RBM33: variants seen among roughly 807,000 people sequenced by gnomAD.
RBM33 encodes the protein RNA-binding protein 33.
Under a neutral mutation model 132.6 loss-of-function variants are expected in RBM33, and 28 were observed. The observed-to-expected ratio is 0.21, with a 90% CI of 0.16 to 0.29. RBM33 has a LOEUF of 0.29. RBM33 is among the 10% of genes least tolerant of loss of function. The pLI is 1.00. For synonymous variants in RBM33, 634 were observed against 593.0 expected (o/e 1.07, Z -1.01); for missense variants, 1,291 against 1,518.5 (o/e 0.85, Z 2.49).
intron 14 of RBM33, among the ~76,000 whole-genome samples, chr7:155,748,700 T>C (rs76470188): frequency 0.033 from 4,996 of 152,204 alleles, 258 homozygotes; most frequent in African/African-American, 0.11. Flanking sequence ...TGGTTAATTA[T>C]ATCGCCTTTC....
chr7:155,753,729 G>A (rs1033595648), intron 14 of RBM33, among the ~76,000 whole-genome samples: 13 of 152,242 alleles, frequency 8.5e-5, no homozygotes, highest in East Asian at 7.7e-4. Context: ...TGGGGGCCAC[G>A]AGAGATGCAC....
intron 8 of RBM33, among the ~76,000 whole-genome samples, chr7:155,716,332 T>TTA (rs1554477955): frequency 6.7e-6 from 1 of 149,938 alleles, no homozygotes; most frequent in Non-Finnish European, 1.5e-5. Flanking sequence ...TTTTTTTTTT[T>TTA]AAATAGGGAA....
intron 1 of RBM33, among the ~76,000 whole-genome samples, chr7:155,651,921 G>GATTTTT (rs1472977770): frequency 6.6e-6 from 1 of 152,200 alleles, no homozygotes; most frequent in Non-Finnish European, 1.5e-5. Context: ...TAACATAGGA[G>GATTTTT]ATTTTTAAAA....
rs1798781925 is a variant in RBM33 at position 155,665,668 on chromosome 7, C to T, written c.122+415C>T. On this transcript the variant is annotated intron_variant, in intron 2 of 17. Transcript: ENST00000401878. ...TTTCACTAATTTTAACTTTCATTTTCCTGGTTACCAGTGAAGATGAAAATA... is the reference window on the plus strand; with the variant it reads ...TTTCACTAATTTTAACTTTCATTTTTCTGGTTACCAGTGAAGATGAAAATA... Among the ~76,000 whole-genome samples the T allele has an allele frequency of 3.9e-5, 6 of 152,054 alleles. No individual in the cohort carries two copies. The South Asian group carries it at 1.2e-3, about 32-fold the overall frequency.
At chr7:155,755,104 T>C (rs571473616) in intron 14 of RBM33, among the ~76,000 whole-genome samples, 1 of 152,346 alleles carries the variant, frequency 6.6e-6, no homozygotes, top group Admixed American at 6.5e-5. Context: ...TGCATATCAT[T>C]TATTGTCCAC....
chr7:155,656,771 T>C (rs1798503847), intron 1 of RBM33, among the ~76,000 whole-genome samples: 1 of 152,194 alleles, frequency 6.6e-6, no homozygotes, highest in African/African-American at 2.4e-5. Context: ...ATTTGTTTCT[T>C]AAGTTTGACT....
intron 2 of RBM33, among the ~76,000 whole-genome samples, chr7:155,668,858 T>C (rs377214898): frequency 2.2e-4 from 33 of 152,346 alleles, no homozygotes; most frequent in African/African-American, 7.7e-4. Flanking sequence ...TTGCCTGATA[T>C]TTGTTCAACT....
chr7:155,740,780 A>AAT (rs960511548), intron 12 of RBM33, among the ~76,000 whole-genome samples: 1 of 152,090 alleles, frequency 6.6e-6, no homozygotes, highest in Non-Finnish European at 1.5e-5. Flanking sequence ...GCCTCCATTA[A>AAT]ATATATATAA....
intron 16 of RBM33, among the ~76,000 whole-genome samples, chr7:155,772,253 G>A (rs1451204251): frequency 6.6e-6 from 1 of 152,216 alleles, no homozygotes; most frequent in Non-Finnish European, 1.5e-5. Flanking sequence ...GGCTGCAGCA[G>A]CTCTAACCTA....
chr7:155,741,989 G>A lies in RBM33; in HGVS notation c.2220G>A (p.Ala740=), dbSNP rs762968456. ...PSAQVKPIVS[A]SPPSRAVAGS... ...CACAAGTGAAACCTATCGTCAGCGC[G>A]TCACCACCCTCGCGGGCCGTGGCGG... Residue 740 remains alanine, a synonymous_variant, in exon 13 of 18, where the codon GCG becomes GCA. Transcript: ENST00000401878. 2.7e-5 allele frequency: 43 copies of A among 1,613,822 alleles called. 1 individual carries two copies. The South Asian group carries it at 3.3e-4, about 12-fold the overall frequency.
At chr7:155,685,839 T>C (rs1319458983) in intron 5 of RBM33, among the ~76,000 whole-genome samples, 2 of 152,232 alleles carry the variant, frequency 1.3e-5, no homozygotes, top group African/African-American at 4.8e-5. Context: ...CAGGAGGCCA[T>C]GAAAACTGAT....
At chr7:155,773,834 C>T (rs141260844) in intron 16 of RBM33, among the ~76,000 whole-genome samples, 5 of 152,206 alleles carry the variant, frequency 3.3e-5, no homozygotes, top group East Asian at 1.9e-4. Flanking sequence ...GATTTGAGGA[C>T]TAGATGTAAG....
At chr7:155,715,346 C>A (rs151328943) in intron 8 of RBM33, among the ~76,000 whole-genome samples, 3 of 152,034 alleles carry the variant, frequency 2.0e-5, no homozygotes, top group African/African-American at 7.2e-5. Context: ...TGTAAAATGC[C>A]GTGGAAAGCT....
rs764755854 is a variant in RBM33, at chr7:155,761,121, G to C, written c.2980-2691G>C. Among the ~76,000 whole-genome samples, 38 of 152,060 alleles carry C rather than the reference G, an allele frequency of 2.5e-4. 1 individual carries two copies. The highest frequency in any genetic ancestry group is 1.3e-3 in the Admixed American group (20 of 15,260). On this transcript the variant is annotated intron_variant, in intron 14 of 17. Transcript: ENST00000401878. ...GTGTAGTGTGTTCCCTTGGTTAACC[G>C]GGGGGGTGTTAAACCAGCCCTGCGC...
chr7:155,646,614 A>T (rs1270678524), intron 1 of RBM33, among the ~76,000 whole-genome samples: 1 of 152,194 alleles, frequency 6.6e-6, no homozygotes, highest in Non-Finnish European at 1.5e-5. Context: ...CTGACTCCTG[A>T]TCCAGTGGAT....
intron 5 of RBM33, among the ~76,000 whole-genome samples, chr7:155,695,892 A>G (rs757500356): frequency 6.6e-6 from 1 of 152,290 alleles, no homozygotes; most frequent in Admixed American, 6.5e-5. Context: ...ACTTTACAGT[A>G]TTAATTTTAG....
intron 1 of RBM33, among the ~76,000 whole-genome samples, chr7:155,660,906 T>C (rs1585405081): frequency 6.6e-6 from 1 of 152,088 alleles, no homozygotes; most frequent in South Asian, 2.1e-4. Flanking sequence ...CACATTTCTT[T>C]GAGGCTGTGT....
At chr7:155,749,957 A>C (rs1242384551) in intron 14 of RBM33, among the ~76,000 whole-genome samples, 1 of 152,256 alleles carries the variant, frequency 6.6e-6, no homozygotes, top group Non-Finnish European at 1.5e-5. Context: ...AAATGGAAAG[A>C]GATCTTTTGT....
chr7:155,759,795 C>G lies in RBM33; in HGVS notation c.2980-4017C>G, dbSNP rs73737844. On this transcript the variant is annotated intron_variant, in intron 14 of 17. Coordinates refer to ENST00000401878, the MANE Select transcript of RBM33 (RefSeq NM_053043.3). ...TAATAACATCCTCCTTTTGGTGCCA[C>G]CTATTGTTGTTAAAGTTTCCTCTCT... Among the ~76,000 whole-genome samples, 1,020 of 152,250 alleles carry G rather than the reference C, an allele frequency of 6.7e-3. 9 individuals are homozygous for G. Among genetic ancestry groups the G allele is most frequent in the African/African-American group, 0.024 (993 of 41,530 alleles).
Sources: gnomAD v4.1 joint callset for allele counts (sites outside exome capture counted in the v4.1 genomes callset) on GRCh38, gnomAD v4.1.1 for gene constraint, MANE v1.5 for transcripts, NCBI Gene and HGNC (gene_info 2026-07-23, HGNC 2026-07-21) for gene names.